Variants in CORO7 observed in about 807,000 individuals in gnomAD.
The protein encoded by CORO7 is coronin 7.
CORO7 carries 107 observed loss-of-function variants against 126.6 expected under a neutral mutation model. That is an observed-to-expected ratio of 0.85 (90% CI 0.72 to 0.99). CORO7 has a LOEUF of 0.99. CORO7 is among the 50% of genes least tolerant of loss of function. CORO7 has a pLI of 0.00. For missense variants in CORO7, 1,314 were observed against 1,255.8 expected, an observed-to-expected ratio of 1.05 and a Z score of -0.70; for synonymous variants, 603 against 536.8, an observed-to-expected ratio of 1.12 and a Z score of -1.70.
chr16:4,377,852 G>C (rs1024786815), intron 9 of CORO7, among the ~76,000 whole-genome samples: 15 of 152,186 alleles, frequency 9.9e-5, no homozygotes, highest in African/African-American at 3.6e-4. Context: ...AAGCAGGCTG[G>C]CTGCCGCCTG....
rs112338816 is a variant in CORO7, at chr16:4,357,900, C to T, written c.2593+68G>A. 442 of 1,540,312 alleles carry T rather than the reference C, an allele frequency of 2.9e-4. 4 individuals are homozygous for T. The African/African-American group carries it at 5.4e-3, about 19-fold the overall frequency. The stretch of plus-strand genomic sequence containing the variant: ...CGTGCCAACAGGAATGGAACTTCAA[C>T]CTGGGCCTTCTGTCCCTTTCTCCAA... On this transcript the variant is annotated intron_variant, in intron 25 of 27. Coordinates refer to ENST00000251166, the MANE Select transcript of CORO7 (RefSeq NM_024535.5).
chr16:4,371,154 C>G (rs766696617), intron 9 of CORO7, among the ~76,000 whole-genome samples: 7 of 152,222 alleles, frequency 4.6e-5, no homozygotes, highest in Non-Finnish European at 8.8e-5. Flanking sequence ...AACTGTGGGG[C>G]CGTGGGCAGA....
chr16:4,416,167 C>T (rs2056404119), intron 1 of CORO7, among the ~76,000 whole-genome samples: 1 of 152,104 alleles, frequency 6.6e-6, no homozygotes, highest in African/African-American at 2.4e-5. Flanking sequence ...AGGCCTGGGC[C>T]CCGGCTAGGA....
chr16:4,358,772 C>T (rs1335246365), intron 23 of CORO7: 1 of 371,124 alleles, frequency 2.7e-6, no homozygotes, highest in African/African-American at 2.1e-5. Context: ...GCACATCATC[C>T]TGCATTTCCT....
chr16:4,387,656 A>C (rs2055240833), intron 9 of CORO7: 1 of 329,636 alleles, frequency 3.0e-6, no homozygotes, highest in Non-Finnish European at 5.7e-6. Flanking sequence ...TCCACAGAAA[A>C]ATGAAGCGTA....
chr16:4,395,385 G>C (rs777362605), intron 6 of CORO7, 46 bp from the exon 7 acceptor site: 2 of 1,612,516 alleles, frequency 1.2e-6, no homozygotes, highest in Non-Finnish European at 8.5e-7. Context: ...AGGGCTGGAG[G>C]GTCCCTGGAA....
In CORO7 at chr16:4,364,624, A is replaced by T. The variant is rs1032011614; in HGVS notation, c.1110T>A (p.His370Gln). The T allele has an allele frequency of 1.3e-6, 2 of 1,570,852 alleles. No individual in the cohort carries two copies. Among genetic ancestry groups the T allele is most frequent in the South Asian group, 2.3e-5 (2 of 85,772 alleles). The change falls in exon 13 of 28, where the codon CAT (histidine) becomes CAA (glutamine). Residue 370 changes from histidine to glutamine, a missense_variant. By Grantham distance (24) the His-to-Gln change is conservative. Transcript: ENST00000251166. ...GCTGGTTGTCCCCAGCCCACCAGCT[A>T]TGGGGGTCGGTGGCAGGCACACAGC... is the stretch of plus-strand genomic sequence containing the variant. ...TAGCVPATDPHSWWAGDNQQV... is the reference protein window; with the variant it reads ...TAGCVPATDPQSWWAGDNQQV...
chr16:4,358,291 G>A (rs762026106), intron 24 of CORO7, 76 bp downstream of exon 24: 1 of 1,560,968 alleles, frequency 6.4e-7, no homozygotes, highest in Admixed American at 1.9e-5. Context: ...TTGGAAGCTG[G>A]GTCAGACGGG....
At chr16:4,391,652 G>A (rs2055394801) in intron 7 of CORO7, among the ~76,000 whole-genome samples, 1 of 152,232 alleles carries the variant, frequency 6.6e-6, no homozygotes, top group Non-Finnish European at 1.5e-5. Context: ...GATTGCTTGA[G>A]CCCAGGAGGT....
intron 1 of CORO7, among the ~76,000 whole-genome samples, chr16:4,414,612 T>C (rs753060577): frequency 3.3e-5 from 5 of 152,190 alleles, no homozygotes; most frequent in Admixed American, 1.3e-4. Context: ...ATAAACACAG[T>C]GACTGCAAAT....
At position 4,360,941 on chromosome 16, in the gene CORO7, A is replaced by T; in HGVS notation, c.1917+2T>A. The stretch of plus-strand genomic sequence containing the variant: ...CTGGCCCCACCTCTGCAGCCGTCCT[A>T]CCTGGTCTTGGTGGCCCTGCAGCTT... On this transcript the variant is annotated splice_donor_variant, in intron 19 of 27. Transcript: ENST00000251166. LOFTEE classifies it high-confidence loss of function. The T allele has an allele frequency of 6.2e-7, 1 of 1,608,646 alleles. No homozygotes were observed. The highest frequency in any genetic ancestry group is 1.1e-5 in the South Asian group (1 of 90,870).
chr16:4,399,634 A>T (rs2055729612), intron 6 of CORO7, among the ~76,000 whole-genome samples: 1 of 152,152 alleles, frequency 6.6e-6, no homozygotes, highest in Admixed American at 6.6e-5. Context: ...TAAGATGGTG[A>T]ATTTTGGCAC....
At chr16:4,391,417 A>G (rs919976646) in intron 7 of CORO7, among the ~76,000 whole-genome samples, 2 of 152,158 alleles carry the variant, frequency 1.3e-5, no homozygotes, top group Non-Finnish European at 2.9e-5. Context: ...TTAGCTGGGC[A>G]TGGTGGCAGG....
At chr16:4,358,828 G>A in intron 23 of CORO7, 2 of 298,176 alleles carry the variant, frequency 6.7e-6, no homozygotes, top group Non-Finnish European at 1.2e-5. Flanking sequence ...ACAAATAATA[G>A]TAAAATTGGA....
At chr16:4,368,511 A>G (rs1485583375) in intron 9 of CORO7, among the ~76,000 whole-genome samples, 1 of 151,806 alleles carries the variant, frequency 6.6e-6, no homozygotes, top group Non-Finnish European at 1.5e-5. Flanking sequence ...TAATCCCAGC[A>G]CTTTGGGAGG....
Position 4,362,684 on chromosome 16 carries a change from G to A in CORO7, c.1330C>T (p.Leu444=), listed in dbSNP as rs1385009532. Residue 444 remains leucine, a synonymous_variant, in exon 15 of 28, where the codon CTG becomes TTG. Coordinates refer to ENST00000251166, the MANE Select transcript of CORO7 (RefSeq NM_024535.5). The surrounding 1 kb of genome is among the most constrained non-coding windows in gnomAD (Gnocchi z 5.3). ...SLTSPSTPSS[L]GPSLSSTSGI... ...CTGGTGCTGGAGAGTGAGGGCCCCA[G>A]GCTGGAGGGCGTGGAGGGCGAGGTC... 3 of 1,488,476 alleles carry A rather than the reference G, an allele frequency of 2.0e-6. No individual in the cohort carries two copies. The highest frequency in any genetic ancestry group is 2.4e-5 in the Admixed American group (1 of 42,482). The allele number at this position is 1,488,476 out of a possible 1,614,324, so 92.2% of individuals were successfully genotyped here.
intron 9 of CORO7, among the ~76,000 whole-genome samples, chr16:4,375,073 C>T (rs527269662): frequency 6.6e-6 from 1 of 152,272 alleles, no homozygotes; most frequent in Admixed American, 6.5e-5. Flanking sequence ...CTCCCAGGGC[C>T]ACAGGTGTCC....
chr16:4,382,567 G>A lies in CORO7; in HGVS notation c.785+5419C>T, dbSNP rs746313383. The A allele has an allele frequency of 1.5e-4, 238 of 1,592,394 alleles. No homozygotes were observed. Among genetic ancestry groups the A allele is most frequent in the Non-Finnish European group, 1.9e-4 (224 of 1,171,092 alleles). ...ACCCCCAGCCGTCCACTCCAACCAC[G>A]CCCCAGTCACCCAGGCCCGCGAGGG... On this transcript the variant is annotated intron_variant, in intron 9 of 27. Transcript: ENST00000251166.
intron 7 of CORO7, among the ~76,000 whole-genome samples, chr16:4,394,411 T>TAC (rs2055506861): frequency 7.1e-6 from 1 of 141,306 alleles, no homozygotes; most frequent in Non-Finnish European, 1.5e-5. Context: ...ATCACAACGC[T>TAC]ACACTCCAGC....
Sources: gnomAD v4.1 joint callset for allele counts (sites outside exome capture counted in the v4.1 genomes callset) on GRCh38, gnomAD v4.1.1 for gene constraint, Gnocchi (gnomAD v3.1) non-coding constraint, MANE v1.5 for transcripts, NCBI Gene and HGNC (gene_info 2026-07-23, HGNC 2026-07-21) for gene names.